The following GYPC variants were observed in gnomAD, a reference collection of about 807,000 sequenced individuals.
GYPC encodes glycophorin-C.
GYPC carries 14 observed loss-of-function variants against 12.6 expected under a neutral mutation model. The ratio of observed to expected loss-of-function variants is 1.11; its 90% CI spans 0.74 to 1.74. The LOEUF (loss-of-function observed/expected upper bound fraction) is 1.74, where lower values mean the gene tolerates loss of function less well. GYPC is among the 40% of genes most tolerant of loss of function. The pLI, the probability that GYPC is intolerant of heterozygous loss-of-function variation, is 0.00. For synonymous variants in GYPC, 78 were observed against 62.1 expected, an observed-to-expected ratio of 1.26 and a Z score of -1.20; for missense variants, 225 against 172.1, an observed-to-expected ratio of 1.31 and a Z score of -1.72.
At chr2:126,692,085 G>A (rs1431971929) in intron 2 of GYPC, among the ~76,000 whole-genome samples, 2 of 152,120 alleles carry the variant, frequency 1.3e-5, no homozygotes, top group East Asian at 3.9e-4. Flanking sequence ...GGCTGCACTT[G>A]TTCACTCTAT....
chr2:126,686,806 C>G (rs551635540), intron 1 of GYPC, among the ~76,000 whole-genome samples: 11 of 152,104 alleles, frequency 7.2e-5, no homozygotes, highest in Non-Finnish European at 1.5e-4. Flanking sequence ...CCAAGCTTGG[C>G]CGTAATCAAC....
At chr2:126,658,785 T>C (rs987505912) in intron 1 of GYPC, 2 of 152,254 alleles carry the variant, frequency 1.3e-5, no homozygotes, top group Non-Finnish European at 2.9e-5. Flanking sequence ...TCATCTTGTT[T>C]TTTTTCCATC....
intron 1 of GYPC, among the ~76,000 whole-genome samples, chr2:126,670,728 G>A (rs1256359995): frequency 6.6e-6 from 1 of 152,114 alleles, no homozygotes; most frequent in African/African-American, 2.4e-5. Flanking sequence ...TGTTAACCAG[G>A]GAGGGACCAG....
chr2:126,679,001 C>A (rs1683088177), intron 1 of GYPC: 1 of 152,188 alleles, frequency 6.6e-6, no homozygotes. Flanking sequence ...ACAAAGCGTA[C>A]CTAACTAAAT....
chr2:126,677,423 G>T (rs1237437506), intron 1 of GYPC, among the ~76,000 whole-genome samples: 1 of 150,340 alleles, frequency 6.7e-6, no homozygotes, highest in South Asian at 2.1e-4. Context: ...GTGTGTGAGA[G>T]AATGTGAGAG....
chr2:126,693,985 T>TG (rs757112810), intron 3 of GYPC, 38 bp downstream of exon 3: 15 of 1,364,394 alleles, frequency 1.1e-5, no homozygotes, highest in East Asian at 9.1e-5. Flanking sequence ...GCAGCCAGGG[T>TG]GGGGGGCCTT....
At chr2:126,690,424 A>G in intron 2 of GYPC, 113 bp downstream of exon 2, 2 of 815,954 alleles carry the variant, frequency 2.5e-6, no homozygotes, top group South Asian at 2.8e-5. Flanking sequence ...GAAAACATCC[A>G]GGGGAGAACT....
At chr2:126,675,940 T>C (rs1182507928) in intron 1 of GYPC, among the ~76,000 whole-genome samples, 1 of 152,258 alleles carries the variant, frequency 6.6e-6, no homozygotes, top group Non-Finnish European at 1.5e-5. Flanking sequence ...GTAGTTATGT[T>C]AAATGTGTAA....
At chr2:126,660,759 A>G (rs1436716583) in intron 1 of GYPC, among the ~76,000 whole-genome samples, 1 of 152,204 alleles carries the variant, frequency 6.6e-6, no homozygotes, top group Non-Finnish European at 1.5e-5. Context: ...CTCCTGGTCC[A>G]GAACTTGGCA....
chr2:126,669,579 A>G (rs895717193), intron 1 of GYPC, among the ~76,000 whole-genome samples: 3 of 152,164 alleles, frequency 2.0e-5, no homozygotes, highest in African/African-American at 7.2e-5. Context: ...GTCATTTCTT[A>G]TTTCAGAATC....
chr2:126,657,448 C>T (rs200294467), intron 1 of GYPC, among the ~76,000 whole-genome samples: 1 of 152,256 alleles, frequency 6.6e-6, no homozygotes, highest in South Asian at 2.1e-4. Flanking sequence ...CAGGAGATAA[C>T]TCATCCAGCA....
intron 2 of GYPC, among the ~76,000 whole-genome samples, 157 bp downstream of exon 2, chr2:126,690,468 AT>A (rs1166453136): frequency 1.3e-5 from 2 of 152,034 alleles, no homozygotes; most frequent in African/African-American, 4.8e-5. Context: ...GGCTGTGGCC[AT>A]TTTTTCTCTC....
At position 126,686,370 on chromosome 2, in the gene GYPC, G is replaced by C. The variant is rs1683289163; in HGVS notation, c.50-3885G>C. The C allele has an allele frequency of 3.0e-6, 3 of 985,802 alleles. No individual in the cohort carries two copies. In the South Asian group the frequency reaches 1.4e-4, roughly 46 times the overall value. 61.1% of individuals were successfully genotyped at this position (985,802 alleles called of 1,614,324 possible). Reference sequence around the variant, plus strand: ...GTGCCTGTGTGCCCCGCTGCCTCCAGGGGTGGCTGCCTTCTGCCAGAGAAT... The same window carrying C: ...GTGCCTGTGTGCCCCGCTGCCTCCACGGGTGGCTGCCTTCTGCCAGAGAAT... On this transcript the variant is annotated intron_variant, in intron 1 of 3. Coordinates refer to ENST00000259254, the MANE Select transcript of GYPC (RefSeq NM_002101.5).
rs533636778 is a variant in GYPC at position 126,663,327 on chromosome 2, C to A, written c.49+7015C>A. ...CTGGGATTATAGGCATGAGCCACCA[C>A]GCCCAGCCTCCTTCATGTTTTTATC... is the stretch of plus-strand genomic sequence containing the variant. On this transcript the variant is annotated intron_variant, in intron 1 of 3. Transcript: ENST00000259254. Among the ~76,000 whole-genome samples, 157 of 152,346 alleles carry A rather than the reference C, an allele frequency of 1.0e-3. 1 individual carries two copies. The highest frequency in any genetic ancestry group is 3.4e-3 in the African/African-American group (143 of 41,586).
rs376657841 is a variant in GYPC at position 126,679,928 on chromosome 2, G to A, written c.50-10327G>A. On this transcript the variant is annotated intron_variant, in intron 1 of 3. Transcript: ENST00000259254. ...AGCATCTTAATGGTGATATGAACAG[G>A]TTGTTCAGCAAACTACAACTTGTGG... 5 of 152,156 alleles carry A rather than the reference G, an allele frequency of 3.3e-5. No homozygotes were observed. The East Asian group carries it at 9.6e-4, about 29-fold the overall frequency. The allele number at this position is 152,156 out of a possible 1,614,324, so 9.4% of individuals were successfully genotyped here. A position where few individuals can be genotyped will look rare whatever the true frequency, so the allele number is the denominator to read the frequency against.
rs1683642543 is a variant in GYPC, at chr2:126,696,265, G to A, written c.*123G>A. On this transcript the variant is annotated 3_prime_UTR_variant, in exon 4 of 4. Transcript: ENST00000259254. Reference sequence around the variant, plus strand: ...AGAGAGAGCACTTGATTCTTCCCGAGATAGCCACCTGGAAACACTAGGTGC... The same window carrying A: ...AGAGAGAGCACTTGATTCTTCCCGAAATAGCCACCTGGAAACACTAGGTGC... The A allele has an allele frequency of 1.3e-6, 1 of 789,712 alleles. No homozygotes were observed. 48.9% of individuals were successfully genotyped at this position (789,712 alleles called of 1,614,324 possible). A position where few individuals can be genotyped will look rare whatever the true frequency, so the allele number is the denominator to read the frequency against.
chr2:126,683,251 C>G (rs1683197104), intron 1 of GYPC, among the ~76,000 whole-genome samples: 2 of 152,026 alleles, frequency 1.3e-5, no homozygotes, highest in Non-Finnish European at 2.9e-5. Flanking sequence ...ACCTGGGGGG[C>G]AGAGGTTGCA....
chr2:126,668,757 A>G (rs1558881134), intron 1 of GYPC, among the ~76,000 whole-genome samples: 2 of 152,194 alleles, frequency 1.3e-5, no homozygotes, highest in African/African-American at 2.4e-5. Context: ...ACTTGGCGTT[A>G]TGGTGGTTCT....
At chr2:126,689,675 C>T (rs989528405) in intron 1 of GYPC, among the ~76,000 whole-genome samples, 4 of 152,068 alleles carry the variant, frequency 2.6e-5, no homozygotes, top group Non-Finnish European at 5.9e-5. Context: ...TCTATATCAC[C>T]TTGTGGTCTC....
Sources: gnomAD v4.1 joint callset for allele counts (sites outside exome capture counted in the v4.1 genomes callset) on GRCh38, gnomAD v4.1.1 for gene constraint, MANE v1.5 for transcripts, NCBI Gene and HGNC (gene_info 2026-07-23, HGNC 2026-07-21) for gene names.